Variants in GRM1 observed in about 807,000 individuals in gnomAD.
GRM1 encodes the protein glutamate metabotropic receptor 1.
Under a neutral mutation model 90.9 loss-of-function variants are expected in GRM1, and 33 were observed. The observed-to-expected ratio is 0.36, with a 90% confidence interval of 0.28 to 0.49. The LOEUF is 0.49. Among genes scored for constraint, GRM1 ranks in the 20% least tolerant of loss-of-function variants. The pLI is 0.99. For missense variants in GRM1, 1,190 were observed against 1,534.3 expected, an observed-to-expected ratio of 0.78 and a Z score of 3.75; for synonymous variants, 700 against 613.2, an observed-to-expected ratio of 1.14 and a Z score of -2.09.
intron 1 of GRM1, among the ~76,000 whole-genome samples, chr6:146,158,871 T>C (rs1470202323): frequency 1.3e-5 from 2 of 152,198 alleles, no homozygotes; most frequent in Non-Finnish European, 2.9e-5. Context: ...AGGTGTTCCA[T>C]TTATTTTGCT....
intron 2 of GRM1, among the ~76,000 whole-genome samples, chr6:146,300,613 CA>C (rs1783342631): frequency 6.6e-6 from 1 of 152,158 alleles, no homozygotes; most frequent in Admixed American, 6.5e-5. Flanking sequence ...GTTTTATTTC[CA>C]GACCCCAGCT....
chr6:146,075,673 G>A (rs561750314), intron 1 of GRM1, among the ~76,000 whole-genome samples: 1 of 152,286 alleles, frequency 6.6e-6, no homozygotes, highest in African/African-American at 2.4e-5. Context: ...GTGTAGGCTA[G>A]AAGTCTGAAA....
chr6:146,226,918 A>G (rs538190911), intron 2 of GRM1, among the ~76,000 whole-genome samples: 6 of 152,236 alleles, frequency 3.9e-5, no homozygotes, highest in Admixed American at 3.3e-4. Flanking sequence ...TGTACCATCG[A>G]GAGACAAAGT....
intron 2 of GRM1, among the ~76,000 whole-genome samples, chr6:146,161,607 C>A (rs1355314225): frequency 1.3e-5 from 2 of 152,098 alleles, no homozygotes; most frequent in African/African-American, 2.4e-5. Flanking sequence ...TCAATGAACA[C>A]CTGAGCTTCT....
At chr6:146,252,593 G>A (rs541215755) in intron 2 of GRM1, among the ~76,000 whole-genome samples, 5 of 151,334 alleles carry the variant, frequency 3.3e-5, no homozygotes, top group Non-Finnish European at 4.4e-5. Flanking sequence ...CAGCCTGGGC[G>A]ACAGAGCAAA....
At chr6:146,246,254 G>A (rs938227324) in intron 2 of GRM1, among the ~76,000 whole-genome samples, 1 of 152,150 alleles carries the variant, frequency 6.6e-6, no homozygotes, top group African/African-American at 2.4e-5. Flanking sequence ...CTGCTCAGAT[G>A]ACACTGCCAG....
chr6:146,430,395 C>T (rs1442057680), intron 7 of GRM1, among the ~76,000 whole-genome samples: 1 of 152,214 alleles, frequency 6.6e-6, no homozygotes, highest in Non-Finnish European at 1.5e-5. Context: ...CTCTAAATGC[C>T]TCTGCATTTG....
intron 4 of GRM1, among the ~76,000 whole-genome samples, chr6:146,353,773 G>T (rs776716463): frequency 1.3e-5 from 2 of 152,154 alleles, no homozygotes; most frequent in Non-Finnish European, 2.9e-5. Flanking sequence ...GGGACTACAG[G>T]TGTGCACCAC....
At chr6:146,287,772 A>G (rs1782818615) in intron 2 of GRM1, among the ~76,000 whole-genome samples, 1 of 152,206 alleles carries the variant, frequency 6.6e-6, no homozygotes, top group African/African-American at 2.4e-5. Context: ...GGTTTTGAAA[A>G]GGGAAAAGGG....
chr6:146,124,752 T>G (rs1340962281), intron 1 of GRM1, among the ~76,000 whole-genome samples: 3 of 152,156 alleles, frequency 2.0e-5, no homozygotes, highest in African/African-American at 7.2e-5. Flanking sequence ...AAACAGAGCA[T>G]TTTTATAACT....
chr6:146,041,117 C>T (rs1019816098), intron 1 of GRM1, among the ~76,000 whole-genome samples: 3 of 151,914 alleles, frequency 2.0e-5, no homozygotes, highest in Non-Finnish European at 2.9e-5. Flanking sequence ...TTATTTCAAT[C>T]TCTTTGTTAA....
In GRM1 at chr6:146,157,462, T is replaced by A. The variant is rs112812360; in HGVS notation, c.701-1886T>A. Among the ~76,000 whole-genome samples, 913 of 152,300 alleles carry A rather than the reference T, an allele frequency of 6.0e-3. 8 individuals carry two copies. Among genetic ancestry groups the A allele is most frequent in the African/African-American group, 0.021 (874 of 41,566 alleles). On this transcript the variant is annotated intron_variant, in intron 1 of 7. Transcript: ENST00000282753. ...ATACATTAAATGTGTACAGTTTTTG[T>A]ATATCAATTAGAAGTCAACTAAGAC...
upstream of GRM1, chr6:146,029,048 C>T (rs1790607274): frequency 4.1e-6 from 1 of 244,098 alleles, no homozygotes; most frequent in Non-Finnish European, 8.1e-6. Flanking sequence ...CCTCAGTGAC[C>T]ACAGCTGCGC....
chr6:146,434,533 G>A lies in GRM1; in HGVS notation c.3322G>A (p.Glu1108Lys). Reference protein sequence around the residue: ...DDSERFKLLQEYVYEHEREGN... With the variant: ...DDSERFKLLQKYVYEHEREGN... ...CAGCGAGAGGTTTAAGCTCCTCCAG[G>A]AGTACGTGTATGAGCACGAGCGGGA... Residue 1108 changes from glutamate to lysine, a missense_variant, in exon 8 of 8, where the codon GAG becomes AAG. By Grantham distance (56) the Glu-to-Lys change is moderately conservative (BLOSUM62 1). This residue lies in a region of GRM1 where 400 missense variants were observed against 360.8 expected (regional missense o/e 1.11). Coordinates refer to ENST00000282753, the MANE Select transcript of GRM1 (RefSeq NM_001278064.2). 6.2e-7 allele frequency: 1 copy of A among 1,614,146 alleles called. No homozygotes were observed. The highest frequency in any genetic ancestry group is 8.5e-7 in the Non-Finnish European group (1 of 1,180,016).
intron 1 of GRM1, among the ~76,000 whole-genome samples, chr6:146,087,557 T>A (rs2128866163): frequency 6.6e-6 from 1 of 152,206 alleles, no homozygotes; most frequent in Non-Finnish European, 1.5e-5. Flanking sequence ...ATCACAAAGA[T>A]CCTCTTTGTT....
At chr6:146,279,459 T>A (rs1483148970) in intron 2 of GRM1, among the ~76,000 whole-genome samples, 1 of 152,164 alleles carries the variant, frequency 6.6e-6, no homozygotes, top group African/African-American at 2.4e-5. Context: ...GATATAAAAA[T>A]TTTTTAACCA....
intron 1 of GRM1, among the ~76,000 whole-genome samples, chr6:146,131,148 G>T (rs1266522818): frequency 2.0e-4 from 31 of 152,158 alleles, no homozygotes; most frequent in Admixed American, 2.0e-3. Context: ...GATTTACTCA[G>T]TTAAGACCTA....
At chr6:146,174,998 G>T (rs186165189) in intron 2 of GRM1, among the ~76,000 whole-genome samples, 143 of 152,282 alleles carry the variant, frequency 9.4e-4, no homozygotes, top group African/African-American at 3.4e-3. Flanking sequence ...TAGAGAGAGA[G>T]AGATCGAGAG....
intron 2 of GRM1, among the ~76,000 whole-genome samples, chr6:146,169,560 C>A (rs1778026225): frequency 6.6e-6 from 1 of 152,084 alleles, no homozygotes; most frequent in Non-Finnish European, 1.5e-5. Context: ...ATTTGTTTTT[C>A]AACCCACTTT....
Sources: allele counts gnomAD v4.1 joint callset (sites outside exome capture counted in the v4.1 genomes callset), GRCh38; gene constraint gnomAD v4.1.1; regional missense constraint gnomAD v4.1.1; transcripts MANE v1.5; gene names NCBI Gene and HGNC (gene_info 2026-07-23, HGNC 2026-07-21).